The following ULK4 variants were observed in gnomAD, a reference collection of about 807,000 sequenced individuals.
ULK4 encodes the protein inactive serine/threonine-protein kinase ULK4.
A neutral mutation model predicts 160.6 loss-of-function variants in ULK4; 133 were observed. The ratio of observed to expected loss-of-function variants is 0.83; its 90% CI spans 0.72 to 0.96. The LOEUF (loss-of-function observed/expected upper bound fraction) is 0.96. ULK4 is among the 40% of genes least tolerant of loss of function. The probability of loss-of-function intolerance (pLI) is 0.00; values close to 1 mark genes in which losing one functional copy is unlikely to be tolerated. For synonymous variants in ULK4, 534 were observed against 539.8 expected, an observed-to-expected ratio of 0.99 and a Z score of 0.15; for missense variants, 1,580 against 1,499.5, an observed-to-expected ratio of 1.05 and a Z score of -0.89.
At chr3:41,826,070 G>C (rs1255329390) in intron 18 of ULK4, among the ~76,000 whole-genome samples, 3 of 152,148 alleles carry the variant, frequency 2.0e-5, no homozygotes, top group Non-Finnish European at 4.4e-5. Context: ...AGCTTCGTAA[G>C]TGAAGGAGAA....
At chr3:41,344,278 C>T (rs757316019) in intron 35 of ULK4, among the ~76,000 whole-genome samples, 4 of 152,136 alleles carry the variant, frequency 2.6e-5, no homozygotes, top group Non-Finnish European at 4.4e-5. Flanking sequence ...GCTACATATA[C>T]AGAAAATTAA....
intron 35 of ULK4, among the ~76,000 whole-genome samples, chr3:41,394,221 A>G (rs10514704): frequency 0.012 from 1,760 of 152,244 alleles, 97 homozygotes; most frequent in Admixed American, 0.082. Context: ...GTAGGCCAAC[A>G]ATTACAAAAC....
At chr3:41,635,161 T>A (rs1466933573) in intron 30 of ULK4, among the ~76,000 whole-genome samples, 1 of 152,134 alleles carries the variant, frequency 6.6e-6, no homozygotes, top group Non-Finnish European at 1.5e-5. Context: ...AACTTTAGTA[T>A]CCCCAAGCCT....
chr3:41,767,168 T>G (rs17214945), intron 21 of ULK4, among the ~76,000 whole-genome samples: 18,836 of 152,218 alleles, frequency 0.12, 1,343 homozygotes, highest in Middle Eastern at 0.26. Flanking sequence ...GACATCCTTT[T>G]TGTCCGGATA....
chr3:41,539,656 C>T (rs1173592412), intron 32 of ULK4, among the ~76,000 whole-genome samples: 3 of 152,160 alleles, frequency 2.0e-5, no homozygotes, highest in Non-Finnish European at 2.9e-5. Flanking sequence ...ATTATAGCTT[C>T]ATTGGCTTCA....
intron 17 of ULK4, among the ~76,000 whole-genome samples, chr3:41,871,877 C>T (rs1200857199): frequency 1.3e-5 from 2 of 152,054 alleles, no homozygotes; most frequent in Non-Finnish European, 2.9e-5. Flanking sequence ...ATAGATGATG[C>T]TCTTGGTGTT....
At chr3:41,426,516 C>T (rs34674963) in intron 34 of ULK4, among the ~76,000 whole-genome samples, 17,461 of 152,160 alleles carry the variant, frequency 0.11, 1,176 homozygotes, top group Admixed American at 0.16. Flanking sequence ...ATCACATAAT[C>T]TGAAGCAAAA....
intron 21 of ULK4, among the ~76,000 whole-genome samples, chr3:41,785,780 C>T (rs748005173): frequency 1.3e-5 from 2 of 152,130 alleles, no homozygotes; most frequent in Non-Finnish European, 2.9e-5. Context: ...GATCATTGCA[C>T]TAAAACCCCT....
rs1575693041 is a variant in ULK4, at chr3:41,777,950, C to G, written c.2193+11711G>C. On this transcript the variant is annotated intron_variant, in intron 21 of 36. Coordinates refer to ENST00000301831, the MANE Select transcript of ULK4 (RefSeq NM_017886.4). Reference sequence around the variant, plus strand: ...GACAGGGATGCCCTCTCTCACCACTCCTATTCAACATAGTGTTGGAAGTTC... The same window carrying G: ...GACAGGGATGCCCTCTCTCACCACTGCTATTCAACATAGTGTTGGAAGTTC... Among the ~76,000 whole-genome samples, 7 of 137,806 alleles carry G rather than the reference C, an allele frequency of 5.1e-5. 1 individual carries two copies. The South Asian group carries it at 1.6e-3, about 32-fold the overall frequency. The allele number at this position is 137,806 out of a possible 152,430, so 90.4% of individuals were successfully genotyped here.
chr3:41,446,094 C>T (rs1238657618), intron 34 of ULK4, among the ~76,000 whole-genome samples: 1 of 152,178 alleles, frequency 6.6e-6, no homozygotes, highest in African/African-American at 2.4e-5. Flanking sequence ...CAAAAGAAGA[C>T]ATTTATGCAG....
chr3:41,657,457 G>T (rs1469054800), intron 30 of ULK4, among the ~76,000 whole-genome samples: 1 of 152,094 alleles, frequency 6.6e-6, no homozygotes, highest in African/African-American at 2.4e-5. Flanking sequence ...ATGGTTCATG[G>T]TTATTTTTAC....
intron 30 of ULK4, among the ~76,000 whole-genome samples, chr3:41,657,523 C>T (rs1236672910): frequency 6.6e-6 from 1 of 152,046 alleles, no homozygotes; most frequent in Non-Finnish European, 1.5e-5. Flanking sequence ...TGATGTACAT[C>T]TATAGTTGAC....
chr3:41,817,536 C>T (rs1017665106), intron 19 of ULK4, among the ~76,000 whole-genome samples: 1 of 152,102 alleles, frequency 6.6e-6, no homozygotes, highest in Non-Finnish European at 1.5e-5. Flanking sequence ...AAACCAAATA[C>T]CATGTGTTCT....
chr3:41,797,614 C>G (rs1364976414), intron 20 of ULK4, among the ~76,000 whole-genome samples: 3 of 152,174 alleles, frequency 2.0e-5, no homozygotes, highest in Non-Finnish European at 2.9e-5. Context: ...AATCCCAGCA[C>G]TTTGGGAGGC....
chr3:41,386,701 G>A (rs2081820511), intron 35 of ULK4, among the ~76,000 whole-genome samples: 4 of 152,116 alleles, frequency 2.6e-5, no homozygotes, highest in African/African-American at 9.7e-5. Context: ...CCTATTAAAT[G>A]CCTCTTGCAA....
intron 21 of ULK4, among the ~76,000 whole-genome samples, chr3:41,774,104 A>C (rs556101497): frequency 6.6e-6 from 1 of 152,206 alleles, no homozygotes; most frequent in Non-Finnish European, 1.5e-5. Context: ...TGTTAGACCT[A>C]AAACCATAAA....
chr3:41,470,013 G>C (rs1372267962), intron 32 of ULK4, among the ~76,000 whole-genome samples: 1 of 10,562 alleles, frequency 9.5e-5, no homozygotes, highest in Admixed American at 1.6e-3. Flanking sequence ...AGAAGAAACA[G>C]AACAGAAAAA....
chr3:41,615,548 A>G (rs2032922510), intron 31 of ULK4, 121 bp downstream of exon 31: 1 of 879,488 alleles, frequency 1.1e-6, no homozygotes, highest in Admixed American at 2.5e-5. Flanking sequence ...AAGTGTGATG[A>G]TGATGGACGT....
intron 30 of ULK4, among the ~76,000 whole-genome samples, chr3:41,660,272 G>A (rs938573868): frequency 6.6e-6 from 1 of 151,770 alleles, no homozygotes; most frequent in Non-Finnish European, 1.5e-5. Context: ...ACCAGCCTGT[G>A]GCAACAAGAG....
Sources: gnomAD v4.1 joint callset for allele counts (sites outside exome capture counted in the v4.1 genomes callset) on GRCh38, gnomAD v4.1.1 for gene constraint, MANE v1.5 for transcripts, NCBI Gene and HGNC (gene_info 2026-07-23, HGNC 2026-07-21) for gene names.